Variants in SLC1A6 observed in about 807,000 individuals in gnomAD.
SLC1A6 encodes the protein solute carrier family 1 member 6, also known as excitatory amino acid transporter 4.
In SLC1A6, 15 loss-of-function variants were observed where a neutral mutation model predicts 42.1. The ratio of observed to expected loss-of-function variants is 0.36; its 90% CI spans 0.24 to 0.55. The LOEUF (loss-of-function observed/expected upper bound fraction) is 0.55, where lower values mean the gene tolerates loss of function less well. SLC1A6 is among the 20% of genes least tolerant of loss of function. The probability of loss-of-function intolerance (pLI) is 0.88; values close to 1 mark genes in which losing one functional copy is unlikely to be tolerated. For missense variants in SLC1A6, 542 were observed against 772.5 expected (o/e 0.70, Z 3.54); for synonymous variants, 317 against 319.7 (o/e 0.99, Z 0.09).
intron 5 of SLC1A6, 166 bp downstream of exon 5, chr19:14,964,153 C>A (rs1307406780): frequency 3.7e-5 from 24 of 651,368 alleles, no homozygotes; most frequent in East Asian, 3.4e-4. Context: ...CTAACCCCCC[C>A]AGATCACCAT....
rs1430694291 is a variant in SLC1A6 at position 14,972,788 on chromosome 19, C to A, written c.123G>T (p.Leu41=). 1.9e-6 allele frequency: 3 copies of A among 1,613,508 alleles called. No individual in the cohort carries two copies. Among genetic ancestry groups the A allele is most frequent in the Non-Finnish European group, 2.5e-6 (3 of 1,179,864 alleles). The change falls in exon 2 of 10, where the codon CTG becomes CTT. Residue 41 remains leucine, a synonymous_variant. Coordinates refer to ENST00000594383, the MANE Select transcript of SLC1A6 (RefSeq NM_005071.3). ...QQRALRTRLR[L]QTMTLEHVLR... Reference sequence around the variant, plus strand: ...GCACGTGCTCGAGGGTCATGGTCTGCAGGCGCAGGCGCGTGCGCAGTGCTC... The same window carrying A: ...GCACGTGCTCGAGGGTCATGGTCTGAAGGCGCAGGCGCGTGCGCAGTGCTC...
intron 7 of SLC1A6, among the ~76,000 whole-genome samples, chr19:14,954,657 G>C (rs910295997): frequency 6.6e-6 from 1 of 152,076 alleles, no homozygotes; most frequent in African/African-American, 2.4e-5. Context: ...TGAGCCCAAG[G>C]AGCGTTCCCC....
Position 14,950,168 on chromosome 19 carries a change from C to T in SLC1A6, c.*27G>A. On this transcript the variant is annotated 3_prime_UTR_variant, in exon 10 of 10. Transcript: ENST00000594383. ...CCCCTCCCCAGCCCCCTTCCCTCCT[C>T]TCTGGGGGGGCAGAGCTGGAGGCCC... The T allele has an allele frequency of 6.8e-7, 1 of 1,467,964 alleles. No individual in the cohort carries two copies. 90.9% of individuals were successfully genotyped at this position (1,467,964 alleles called of 1,614,324 possible).
chr19:14,959,668 C>T (rs2045492070), intron 6 of SLC1A6, among the ~76,000 whole-genome samples: 1 of 152,190 alleles, frequency 6.6e-6, no homozygotes, highest in Non-Finnish European at 1.5e-5. Context: ...TCCCAACTTA[C>T]CCCATGCTCT....
intron 1 of SLC1A6, chr19:14,975,414 A>G (rs1240424971): frequency 1.3e-5 from 2 of 152,112 alleles, no homozygotes; most frequent in East Asian, 1.9e-4. Context: ...TATCCCATCA[A>G]TATGTACAAG....
At chr19:14,992,429 G>A (rs962271164) in intron 1 of SLC1A6, among the ~76,000 whole-genome samples, 1 of 152,060 alleles carries the variant, frequency 6.6e-6, no homozygotes, top group Admixed American at 6.6e-5. Context: ...TTAAGCAGCA[G>A]GCCTCAGAAT....
rs186190858 is a variant in SLC1A6 at position 14,957,150 on chromosome 19, C to A, written c.936-441G>T. Among the ~76,000 whole-genome samples, 247 of 152,266 alleles carry A rather than the reference C, an allele frequency of 1.6e-3. 1 individual carries two copies. Among genetic ancestry groups the A allele is most frequent in the African/African-American group, 5.8e-3 (242 of 41,544 alleles). On this transcript the variant is annotated intron_variant, in intron 6 of 9. Coordinates refer to ENST00000594383, the MANE Select transcript of SLC1A6 (RefSeq NM_005071.3). ...TTCCACATTTGAAATGTGTATGCCC[C>A]TATTCTCTTCCCTATCAGTGCCTGT...
At chr19:14,996,464 C>T (rs565326742) in intron 1 of SLC1A6, among the ~76,000 whole-genome samples, 5 of 151,666 alleles carry the variant, frequency 3.3e-5, no homozygotes, top group Non-Finnish European at 7.4e-5. Context: ...AGTTTGTTCT[C>T]CTCCTCCTCC....
At chr19:15,002,003 A>G (rs1214565786) in intron 1 of SLC1A6, among the ~76,000 whole-genome samples, 10 of 152,136 alleles carry the variant, frequency 6.6e-5, no homozygotes, top group Non-Finnish European at 1.2e-4. Context: ...TGAGAAAAAG[A>G]TTTTCCAAGT....
Position 14,953,060 on chromosome 19 carries a change from A to T in SLC1A6, c.1367T>A (p.Ile456Asn). ...CCCAACACTGGCTGCTGTGGCCGTG[A>T]TGCTGCAGGGGGAGGGAGAACATGG... ...LNLGQITTIS[I>N]TATAASVGAA... Residue 456 changes from isoleucine to asparagine, a missense_variant and splice_region_variant, in exon 9 of 10, where the codon ATC becomes AAC. By Grantham distance (149) the Ile-to-Asn change is moderately radical (BLOSUM62 -3). This residue lies in a region of SLC1A6 where 54 missense variants were observed against 125.1 expected (regional missense o/e 0.43). Transcript: ENST00000594383. The T allele has an allele frequency of 6.2e-7, 1 of 1,612,898 alleles. No individual in the cohort carries two copies.
chr19:14,954,478 G>A (rs925598809), intron 7 of SLC1A6, 149 bp from the exon 8 acceptor site: 23 of 705,368 alleles, frequency 3.3e-5, no homozygotes, highest in Non-Finnish European at 2.2e-5. Context: ...GGGTACGGCT[G>A]AGAATGGGTA....
At chr19:14,980,654 C>CAAAAAAAAAAA (rs35361239), upstream of SLC1A6, among the ~76,000 whole-genome samples, 3 of 125,408 alleles carry the variant, frequency 2.4e-5, no homozygotes, top group African/African-American at 6.2e-5. Context: ...GAGACTCCGT[C>CAAAAAAAAAAA]AAAAAAAAAA....
At chr19:15,006,142 C>T (rs1408253525) in intron 1 of SLC1A6, among the ~76,000 whole-genome samples, 1 of 152,156 alleles carries the variant, frequency 6.6e-6, no homozygotes, top group Non-Finnish European at 1.5e-5. Context: ...TTACATAATG[C>T]TTACTAGGTG....
intron 1 of SLC1A6, among the ~76,000 whole-genome samples, chr19:14,978,652 C>A (rs536260887): frequency 2.6e-5 from 4 of 151,980 alleles, no homozygotes; most frequent in Non-Finnish European, 5.9e-5. Context: ...TCCAGGCACA[C>A]AGTTGTACAA....
intron 1 of SLC1A6, among the ~76,000 whole-genome samples, chr19:14,986,387 TG>T (rs1224710418): frequency 6.6e-5 from 10 of 151,076 alleles, no homozygotes; most frequent in Non-Finnish European, 1.3e-4. Flanking sequence ...CCCAGCATGG[TG>T]GGGGGTGCCT....
At chr19:15,000,567 G>T (rs1024134024) in intron 1 of SLC1A6, among the ~76,000 whole-genome samples, 3 of 152,182 alleles carry the variant, frequency 2.0e-5, no homozygotes, top group Non-Finnish European at 4.4e-5. Context: ...TGGCTAAATA[G>T]TATTCTATTG....
At chr19:15,001,187 T>TG (rs1276865910) in intron 1 of SLC1A6, among the ~76,000 whole-genome samples, 9 of 3,540 alleles carry the variant, frequency 2.5e-3, no homozygotes, top group Non-Finnish European at 5.4e-3. Flanking sequence ...GGAACTTAGT[T>TG]ATTCAGTAAT....
intron 7 of SLC1A6, among the ~76,000 whole-genome samples, chr19:14,954,721 G>C (rs2045445914): frequency 6.6e-6 from 1 of 152,124 alleles, no homozygotes; most frequent in African/African-American, 2.4e-5. Context: ...AGAAGACAAG[G>C]GTATAACATT....
intron 1 of SLC1A6, among the ~76,000 whole-genome samples, chr19:14,995,342 A>G (rs1339333836): frequency 1.4e-5 from 1 of 73,388 alleles, no homozygotes; most frequent in East Asian, 4.3e-4. Flanking sequence ...AAAAAAAAAA[A>G]AAGAAAGAAA....
Sources: gnomAD v4.1 joint callset for allele counts (sites outside exome capture counted in the v4.1 genomes callset) on GRCh38, gnomAD v4.1.1 for gene constraint, gnomAD v4.1.1 regional missense constraint, MANE v1.5 for transcripts, NCBI Gene and HGNC (gene_info 2026-07-23, HGNC 2026-07-21) for gene names.